The following CRACD variants were observed in gnomAD, a reference collection of about 807,000 sequenced individuals.
CRACD encodes the protein capping protein-inhibiting regulator of actin dynamics.
Under a neutral mutation model 106.8 loss-of-function variants are expected in CRACD, and 56 were observed. The observed-to-expected ratio is 0.52, with a 90% CI of 0.42 to 0.66. The LOEUF is 0.66. CRACD is among the 30% of genes least tolerant of loss of function. The pLI is 0.00. For missense variants in CRACD, 1,730 were observed against 1,623.2 expected, an observed-to-expected ratio of 1.07 and a Z score of -1.13; for synonymous variants, 754 against 670.8, an observed-to-expected ratio of 1.12 and a Z score of -1.92.
At chr4:56,249,426 G>T (rs1485485416) in intron 2 of CRACD, among the ~76,000 whole-genome samples, 13 of 148,854 alleles carry the variant, frequency 8.7e-5, no homozygotes, top group Non-Finnish European at 1.5e-4. Context: ...GGGGTTGTTT[G>T]TTTTTTTCTT....
intron 2 of CRACD, among the ~76,000 whole-genome samples, chr4:56,207,982 A>C (rs1424791661): frequency 6.7e-6 from 1 of 149,862 alleles, no homozygotes; most frequent in African/African-American, 2.5e-5. Context: ...ATGCCTGGTT[A>C]ATTAATTTTT....
At chr4:56,182,711 T>C (rs1320270779) in intron 2 of CRACD, among the ~76,000 whole-genome samples, 2 of 152,320 alleles carry the variant, frequency 1.3e-5, no homozygotes, top group South Asian at 4.1e-4. Flanking sequence ...AAGCCATTCC[T>C]CCTTCTAGCA....
chr4:56,226,253 A>G (rs1002435252), intron 2 of CRACD, among the ~76,000 whole-genome samples: 5 of 152,286 alleles, frequency 3.3e-5, no homozygotes, highest in African/African-American at 1.2e-4. Flanking sequence ...TTGGTGAACT[A>G]AACTAGACCA....
At chr4:56,132,106 G>A (rs1404026011) in intron 1 of CRACD, among the ~76,000 whole-genome samples, 2 of 152,104 alleles carry the variant, frequency 1.3e-5, no homozygotes, top group Non-Finnish European at 2.9e-5. Flanking sequence ...GTGCAGTGGT[G>A]CAACCACAGC....
intron 4 of CRACD, among the ~76,000 whole-genome samples, chr4:56,298,946 A>G (rs1028540183): frequency 3.3e-5 from 5 of 152,204 alleles, no homozygotes; most frequent in African/African-American, 1.2e-4. Context: ...CAACAACAAC[A>G]ACAACAAAAA....
chr4:56,087,509 C>G (rs1386387894), intron 1 of CRACD, among the ~76,000 whole-genome samples: 1 of 152,200 alleles, frequency 6.6e-6, no homozygotes, highest in African/African-American at 2.4e-5. Flanking sequence ...TGGTTCACCC[C>G]TTTAATGTTG....
At chr4:56,093,000 T>C (rs1353057278) in intron 1 of CRACD, among the ~76,000 whole-genome samples, 1 of 152,214 alleles carries the variant, frequency 6.6e-6, no homozygotes, top group Admixed American at 6.5e-5. Context: ...ACTAAATATA[T>C]AGATGAATTA....
chr4:56,054,368 G>T (rs900421572), intron 1 of CRACD, among the ~76,000 whole-genome samples: 5 of 152,002 alleles, frequency 3.3e-5, no homozygotes, highest in African/African-American at 1.2e-4. Context: ...TAGAGATGTG[G>T]TCTCTCTCTG....
At chr4:56,205,950 G>A (rs1038640783) in intron 2 of CRACD, among the ~76,000 whole-genome samples, 5 of 152,316 alleles carry the variant, frequency 3.3e-5, no homozygotes, top group African/African-American at 7.2e-5. Context: ...AAAGATATAT[G>A]TGTGTATGTG....
intron 2 of CRACD, among the ~76,000 whole-genome samples, chr4:56,263,136 CAGA>C (rs1741807102): frequency 6.6e-6 from 1 of 152,134 alleles, no homozygotes; most frequent in African/African-American, 2.4e-5. Context: ...AAGCAGAGAA[CAGA>C]AGAAGGAGTC....
At chr4:56,140,291 T>C (rs1735147643) in intron 1 of CRACD, among the ~76,000 whole-genome samples, 1 of 152,206 alleles carries the variant, frequency 6.6e-6, no homozygotes, top group African/African-American at 2.4e-5. Context: ...TGCTCTGGAT[T>C]GTAGCAGAGG....
intron 1 of CRACD, among the ~76,000 whole-genome samples, chr4:56,114,406 T>C (rs1343618683): frequency 6.6e-6 from 1 of 152,026 alleles, no homozygotes; most frequent in Non-Finnish European, 1.5e-5. Flanking sequence ...CTCCAATGAC[T>C]TCTGCTTACA....
At chr4:56,139,190 C>T (rs1026499859) in intron 1 of CRACD, among the ~76,000 whole-genome samples, 1 of 152,118 alleles carries the variant, frequency 6.6e-6, no homozygotes, top group African/African-American at 2.4e-5. Flanking sequence ...TGTGAGATTG[C>T]TTCAATATTT....
intron 1 of CRACD, among the ~76,000 whole-genome samples, chr4:56,161,901 T>C (rs1043544336): frequency 1.3e-5 from 2 of 151,662 alleles, no homozygotes; most frequent in Admixed American, 1.3e-4. Flanking sequence ...TTAGCTGGGA[T>C]TACAGGTGCA....
chr4:56,203,954 T>G (rs1738003491), intron 2 of CRACD, among the ~76,000 whole-genome samples: 1 of 152,188 alleles, frequency 6.6e-6, no homozygotes, highest in South Asian at 2.1e-4. Context: ...ATGAAAGAAA[T>G]GTGTCCTCTG....
chr4:56,240,042 C>CT (rs11351941), intron 2 of CRACD, among the ~76,000 whole-genome samples: 2 of 151,804 alleles, frequency 1.3e-5, no homozygotes, highest in African/African-American at 2.4e-5. Context: ...TTCAATTATT[C>CT]TTTTTTTTAT....
chr4:56,182,861 A>ATGTGTGTGTGTGTGTGTGTG lies in CRACD; in HGVS notation c.-189+3432_-189+3433insGTGTGTGTGTGTGTGTGTGT, dbSNP rs763638808. Among the ~76,000 whole-genome samples, 39 of 101,980 alleles carry ATGTGTGTGTGTGTGTGTGTG rather than the reference A, an allele frequency of 3.8e-4. 1 individual carries two copies. Among genetic ancestry groups the ATGTGTGTGTGTGTGTGTGTG allele is most frequent in the Admixed American group, 1.3e-3 (10 of 7,614 alleles). 66.9% of individuals were successfully genotyped at this position (101,980 alleles called of 152,430 possible). ...TTCTCATACAACGTAGAAAAAAAAG[A>ATGTGTGTGTGTGTGTGTGTG]TATGTGTGTGTGTGTGTGTGTGTGT... On this transcript the variant is annotated intron_variant, in intron 2 of 10. Transcript: ENST00000682029.
At position 56,211,517 on chromosome 4, in the gene CRACD, A is replaced by G. The variant is rs1738405542; in HGVS notation, c.-189+32087A>G. On this transcript the variant is annotated intron_variant, in intron 2 of 10. Coordinates refer to ENST00000682029, the MANE Select transcript of CRACD (RefSeq NM_001393381.1). ...CCTGAGTTCTTGTCCCACATCCAAG[A>G]AGAATGAGTATACGCTGACAATTGA... Among the ~76,000 whole-genome samples, 4 of 152,350 alleles carry G rather than the reference A, an allele frequency of 2.6e-5. No homozygotes were observed. The South Asian group carries it at 8.3e-4, about 32-fold the overall frequency.
intron 4 of CRACD, among the ~76,000 whole-genome samples, chr4:56,302,490 C>T (rs1310790758): frequency 1.3e-5 from 2 of 152,098 alleles, no homozygotes; most frequent in African/African-American, 2.4e-5. Context: ...TCCTGAGTGG[C>T]TTGTATCTCC....
Sources: gnomAD v4.1 joint callset for allele counts (sites outside exome capture counted in the v4.1 genomes callset) on GRCh38, gnomAD v4.1.1 for gene constraint, MANE v1.5 for transcripts, NCBI Gene and HGNC (gene_info 2026-07-23, HGNC 2026-07-21) for gene names.